Variants in SSBP2 observed in about 807,000 individuals in gnomAD.
SSBP2 encodes the protein single stranded DNA binding protein 2, also known as single-stranded DNA-binding protein 2.
In SSBP2, 17 loss-of-function variants were observed where a neutral mutation model predicts 61.8. That is an observed-to-expected ratio of 0.28 (90% CI 0.19 to 0.41). The LOEUF is 0.41. Ranked by LOEUF, SSBP2 falls within the 10% of genes least tolerant of loss-of-function variation. The pLI, the probability that SSBP2 is intolerant of heterozygous loss-of-function variation, is 1.00. For synonymous variants in SSBP2, 139 were observed against 141.3 expected, an observed-to-expected ratio of 0.98 and a Z score of 0.12; for missense variants, 310 against 458.7, an observed-to-expected ratio of 0.68 and a Z score of 2.96.
At chr5:81,435,804 A>T (rs772654654) in intron 15 of SSBP2, among the ~76,000 whole-genome samples, 43 of 152,208 alleles carry the variant, frequency 2.8e-4, no homozygotes, top group Non-Finnish European at 5.6e-4. Context: ...TTAAGAATCC[A>T]TCTGTAGATA....
intron 4 of SSBP2, among the ~76,000 whole-genome samples, chr5:81,545,911 T>A (rs964155365): frequency 6.6e-6 from 1 of 152,200 alleles, no homozygotes; most frequent in Admixed American, 6.5e-5. Context: ...CAATGTCCAC[T>A]CCATTCTTGG....
chr5:81,673,793 A>G (rs1333203889), intron 1 of SSBP2, among the ~76,000 whole-genome samples: 3 of 152,218 alleles, frequency 2.0e-5, no homozygotes, highest in African/African-American at 7.2e-5. Flanking sequence ...ATGAATTAAA[A>G]TGATAAGAAG....
rs78403411 is a variant in SSBP2, at chr5:81,740,307, TA to T, written c.62+10673del. On this transcript the variant is annotated intron_variant, in intron 1 of 16. Coordinates refer to ENST00000320672, the MANE Select transcript of SSBP2 (RefSeq NM_012446.5). The stretch of plus-strand genomic sequence containing the variant: ...ATCAGTCACTAAGTTTAATCCAGGG[TA>T]AAAAAAAAAAAAAGAATGTACCAAA... 6.0e-3 allele frequency among the ~76,000 whole-genome samples: 798 copies of T among 132,168 alleles called. 1 individual carries two copies. Among genetic ancestry groups the T allele is most frequent in the African/African-American group, 9.0e-3 (322 of 35,884 alleles). The allele number at this position is 132,168 out of a possible 152,430, so 86.7% of individuals were successfully genotyped here.
At chr5:81,508,210 A>C (rs1021470032) in intron 5 of SSBP2, among the ~76,000 whole-genome samples, 1 of 152,122 alleles carries the variant, frequency 6.6e-6, no homozygotes, top group Non-Finnish European at 1.5e-5. Flanking sequence ...AAAAACTGCC[A>C]AACTTTTAGT....
intron 11 of SSBP2, chr5:81,447,780 T>C (rs1393708048): frequency 6.6e-6 from 1 of 152,210 alleles, no homozygotes; most frequent in Non-Finnish European, 1.5e-5. Flanking sequence ...TGTCTATAAT[T>C]TCATAAAATG....
chr5:81,595,413 C>T (rs1326701639), intron 4 of SSBP2, among the ~76,000 whole-genome samples: 1 of 152,156 alleles, frequency 6.6e-6, no homozygotes, highest in Non-Finnish European at 1.5e-5. Context: ...ACCAGAGGTA[C>T]AAAGAGGAGC....
intron 10 of SSBP2, among the ~76,000 whole-genome samples, chr5:81,450,399 C>T (rs1451478748): frequency 1.3e-5 from 2 of 152,156 alleles, no homozygotes; most frequent in Non-Finnish European, 2.9e-5. Context: ...CCAATTTCAT[C>T]TCTCTCTGTC....
chr5:81,584,079 A>G (rs959118880), intron 4 of SSBP2, among the ~76,000 whole-genome samples: 5 of 152,236 alleles, frequency 3.3e-5, no homozygotes, highest in Admixed American at 3.3e-4. Context: ...TTCTACACAC[A>G]TCATAAATCT....
At chr5:81,597,494 C>T (rs1479707542) in intron 4 of SSBP2, among the ~76,000 whole-genome samples, 3 of 152,114 alleles carry the variant, frequency 2.0e-5, no homozygotes, top group African/African-American at 7.2e-5. Context: ...TTGACCCAGC[C>T]ATCCCATTAC....
intron 14 of SSBP2, 67 bp from the exon 15 acceptor site, chr5:81,437,525 T>TA: frequency 7.3e-7 from 1 of 1,363,766 alleles, no homozygotes. Flanking sequence ...AACACTCCTT[T>TA]AATTTAAATA....
intron 2 of SSBP2, 58 bp from the exon 3 acceptor site, chr5:81,636,676 C>G (rs559368436): frequency 9.9e-5 from 126 of 1,274,750 alleles, no homozygotes; most frequent in Non-Finnish European, 1.1e-4. Flanking sequence ...ACACATATTA[C>G]AAAGTAATAA....
chr5:81,673,542 G>A (rs1437680469), intron 1 of SSBP2, among the ~76,000 whole-genome samples: 6 of 152,132 alleles, frequency 3.9e-5, no homozygotes, highest in Non-Finnish European at 8.8e-5. Context: ...AATTAATCGT[G>A]TATTTGCCCT....
intron 1 of SSBP2, among the ~76,000 whole-genome samples, chr5:81,699,851 T>C (rs1753850787): frequency 7.5e-6 from 1 of 133,940 alleles, no homozygotes; most frequent in African/African-American, 3.0e-5. Context: ...ACAAAATCAA[T>C]TTCTTTTTTT....
chr5:81,605,588 T>C (rs188254812), intron 4 of SSBP2, among the ~76,000 whole-genome samples: 10 of 152,272 alleles, frequency 6.6e-5, no homozygotes, highest in Middle Eastern at 3.4e-3. Context: ...TATCACTTCA[T>C]AAACTTCCTA....
intron 2 of SSBP2, among the ~76,000 whole-genome samples, chr5:81,648,172 T>G (rs1040970971): frequency 6.6e-6 from 1 of 152,050 alleles, no homozygotes; most frequent in African/African-American, 2.4e-5. Context: ...AAGTTGACAG[T>G]GGTTAAGAAT....
intron 4 of SSBP2, among the ~76,000 whole-genome samples, chr5:81,569,282 C>T (rs1437110288): frequency 6.6e-6 from 1 of 152,126 alleles, no homozygotes; most frequent in African/African-American, 2.4e-5. Flanking sequence ...GTTCTATCAC[C>T]TCAAAATTCC....
In SSBP2 at chr5:81,420,363, G is replaced by A; in HGVS notation, c.*141C>T. 1.3e-6 allele frequency: 1 copy of A among 744,106 alleles called. No homozygotes were observed. Among genetic ancestry groups the A allele is most frequent in the Non-Finnish European group, 2.3e-6 (1 of 434,512 alleles). The allele number at this position is 744,106 out of a possible 1,614,324, so 46.1% of individuals were successfully genotyped here. On this transcript the variant is annotated 3_prime_UTR_variant, in exon 17 of 17. Coordinates refer to ENST00000320672, the MANE Select transcript of SSBP2 (RefSeq NM_012446.5). ...CCCGCTTTCTTCACAAAAGAGGGGA[G>A]AGAGCAGGAAATAAAAAGGTTGGTT...
chr5:81,452,004 A>C (rs1310183511), intron 10 of SSBP2, among the ~76,000 whole-genome samples: 1 of 152,234 alleles, frequency 6.6e-6, no homozygotes, highest in African/African-American at 2.4e-5. Context: ...ATGTGAGTAC[A>C]GAAGATACAT....
chr5:81,681,762 G>GA (rs996942238), intron 1 of SSBP2, among the ~76,000 whole-genome samples: 10 of 151,980 alleles, frequency 6.6e-5, no homozygotes, highest in Non-Finnish European at 1.3e-4. Context: ...AACCAACAGA[G>GA]AAAATCAACA....
Sources: gnomAD v4.1 joint callset for allele counts (sites outside exome capture counted in the v4.1 genomes callset) on GRCh38, gnomAD v4.1.1 for gene constraint, MANE v1.5 for transcripts, NCBI Gene and HGNC (gene_info 2026-07-23, HGNC 2026-07-21) for gene names.